CDH17: variants seen among roughly 807,000 people sequenced by gnomAD.
CDH17 encodes cadherin-17.
A neutral mutation model predicts 86.3 loss-of-function variants in CDH17; 67 were observed. The observed-to-expected ratio is 0.78, with a 90% CI of 0.64 to 0.95. The LOEUF is 0.95. CDH17 is among the 40% of genes least tolerant of loss of function. The pLI, the probability that CDH17 is intolerant of heterozygous loss-of-function variation, is 0.00. For missense variants in CDH17, 993 were observed against 1,017.6 expected, an observed-to-expected ratio of 0.98 and a Z score of 0.33; for synonymous variants, 367 against 366.4, an observed-to-expected ratio of 1.00 and a Z score of -0.02.
upstream of CDH17, among the ~76,000 whole-genome samples, chr8:94,210,918 G>C (rs997112561): frequency 2.0e-5 from 3 of 151,780 alleles, no homozygotes; most frequent in African/African-American, 7.3e-5. Flanking sequence ...CTACTCAGGA[G>C]GCTGACTCAG....
chr8:94,180,805 G>A (rs952587796), intron 3 of CDH17, among the ~76,000 whole-genome samples: 9 of 152,128 alleles, frequency 5.9e-5, no homozygotes, highest in Non-Finnish European at 1.0e-4. Flanking sequence ...TGAGGCAGGA[G>A]AATAGCGTGA....
At chr8:94,177,459 G>A in intron 4 of CDH17, 128 bp downstream of exon 4, 4 of 925,212 alleles carry the variant, frequency 4.3e-6, no homozygotes, top group Admixed American at 2.1e-5. Flanking sequence ...GGATTGCAAA[G>A]CGTCCCATTA....
intron 15 of CDH17, among the ~76,000 whole-genome samples, chr8:94,137,034 A>T (rs565490528): frequency 9.2e-5 from 14 of 152,144 alleles, no homozygotes; most frequent in Admixed American, 1.3e-4. Flanking sequence ...AGTGCTACCC[A>T]CCTATATGAA....
intron 15 of CDH17, among the ~76,000 whole-genome samples, chr8:94,137,363 A>AG (rs1217349196): frequency 2.6e-5 from 4 of 152,180 alleles, no homozygotes; most frequent in Non-Finnish European, 5.9e-5. Context: ...CCCCTCTCCT[A>AG]GCCAGGCTGC....
At chr8:94,170,088 C>A (rs1813237826) in intron 9 of CDH17, among the ~76,000 whole-genome samples, 1 of 152,018 alleles carries the variant, frequency 6.6e-6, no homozygotes, top group African/African-American at 2.4e-5. Flanking sequence ...AATGAGATAT[C>A]CCTATATACA....
At chr8:94,150,148 A>G (rs573410200) in intron 13 of CDH17, among the ~76,000 whole-genome samples, 2 of 152,290 alleles carry the variant, frequency 1.3e-5, no homozygotes, top group Non-Finnish European at 2.9e-5. Flanking sequence ...GGTTATATAC[A>G]TGGGTAATGA....
At chr8:94,172,946 C>A (rs1586260602) in intron 7 of CDH17, among the ~76,000 whole-genome samples, 1 of 152,124 alleles carries the variant, frequency 6.6e-6, no homozygotes. Context: ...GTCCTATCTC[C>A]GTCCCTCAGC....
chr8:94,189,355 G>A, intron 2 of CDH17, 70 bp from the exon 3 acceptor site: 1 of 1,082,608 alleles, frequency 9.2e-7, no homozygotes, highest in Non-Finnish European at 1.4e-6. Flanking sequence ...TTTTATTAGG[G>A]CTTCCAGCAC....
chr8:94,198,383 T>C (rs1813827481), intron 1 of CDH17, among the ~76,000 whole-genome samples: 1 of 152,198 alleles, frequency 6.6e-6, no homozygotes, highest in South Asian at 2.1e-4. Flanking sequence ...CTTATTTGGT[T>C]TGGAAACACA....
intron 2 of CDH17, among the ~76,000 whole-genome samples, chr8:94,192,589 T>C (rs1813708956): frequency 6.6e-6 from 1 of 152,166 alleles, no homozygotes; most frequent in Non-Finnish European, 1.5e-5. Context: ...AACCACATTG[T>C]TACTGCCTTC....
chr8:94,135,469 A>G (rs1445684751), intron 15 of CDH17, among the ~76,000 whole-genome samples: 5 of 152,212 alleles, frequency 3.3e-5, no homozygotes, highest in Non-Finnish European at 5.9e-5. Flanking sequence ...ATCAGAGACT[A>G]GGATTGCGAT....
At chr8:94,170,297 G>T in intron 9 of CDH17, 100 bp downstream of exon 9, 1 of 1,227,402 alleles carries the variant, frequency 8.1e-7, no homozygotes, top group Non-Finnish European at 1.2e-6. Context: ...TGGAAGACAT[G>T]GATTACTGAC....
chr8:94,169,005 G>T (rs1813218916), intron 9 of CDH17, among the ~76,000 whole-genome samples: 1 of 152,162 alleles, frequency 6.6e-6, no homozygotes, highest in African/African-American at 2.4e-5. Flanking sequence ...CAGACTCACA[G>T]AAACTGTGAC....
At chr8:94,199,083 ATTTTTT>A (rs71510475) in intron 1 of CDH17, among the ~76,000 whole-genome samples, 56 of 23,184 alleles carry the variant, frequency 2.4e-3, no homozygotes, top group Middle Eastern at 0.042. Flanking sequence ...ATATATATAT[ATTTTTT>A]TTTTTTTATC....
rs554776904 is a variant in CDH17, at chr8:94,172,041, C to T, written c.784-1056G>A. Among the ~76,000 whole-genome samples, 77 of 140,588 alleles carry T rather than the reference C, an allele frequency of 5.5e-4. 3 individuals carry two copies. The South Asian group carries it at 0.017, about 32-fold the overall frequency. 92.2% of individuals were successfully genotyped at this position (140,588 alleles called of 152,430 possible). ...TCTCCCGCTCCTCCTTCCCCCTCTC[C>T]CCCTCTCTCTTTCTCCCTCTCTCCT... On this transcript the variant is annotated intron_variant, in intron 7 of 17. Transcript: ENST00000027335.
At chr8:94,182,117 G>C (rs1019704464) in intron 3 of CDH17, among the ~76,000 whole-genome samples, 3 of 151,920 alleles carry the variant, frequency 2.0e-5, no homozygotes, top group Non-Finnish European at 4.4e-5. Context: ...CTATAACAAG[G>C]GATTGTATTA....
At chr8:94,136,608 T>G (rs540553021) in intron 15 of CDH17, among the ~76,000 whole-genome samples, 1 of 152,328 alleles carries the variant, frequency 6.6e-6, no homozygotes, top group East Asian at 1.9e-4. Flanking sequence ...CTCAGAGAAG[T>G]TTGTTATTAC....
chr8:94,130,912 C>T lies in CDH17; in HGVS notation c.2248G>A (p.Gly750Ser), dbSNP rs767800258. Residue 750 changes from glycine to serine, a missense_variant, in exon 16 of 18, where the codon GGT becomes AGT. Transcript: ENST00000027335. ...YVVLIRINDG[G>S]RPPLEGIVSL... ...ACAATGCCTTCCAAGGGTGGCCGAC[C>T]CCCATCATTGATGCGGATCAAGACG... 1 of 1,611,076 alleles carries T rather than the reference C, an allele frequency of 6.2e-7. No individual in the cohort carries two copies. Among genetic ancestry groups the T allele is most frequent in the Non-Finnish European group, 8.5e-7 (1 of 1,177,326 alleles).
At chr8:94,143,302 G>A (rs1486010576) in intron 15 of CDH17, among the ~76,000 whole-genome samples, 1 of 152,156 alleles carries the variant, frequency 6.6e-6, no homozygotes, top group Non-Finnish European at 1.5e-5. Flanking sequence ...GGGGACAGTA[G>A]GTCTCAACAG....
Sources: allele counts gnomAD v4.1 joint callset (sites outside exome capture counted in the v4.1 genomes callset), GRCh38; gene constraint gnomAD v4.1.1; transcripts MANE v1.5; gene names NCBI Gene and HGNC (gene_info 2026-07-23, HGNC 2026-07-21).